Variants in BMP5 observed in about 807,000 individuals in gnomAD.
BMP5 encodes bone morphogenetic protein 5.
A neutral mutation model predicts 46.6 loss-of-function variants in BMP5; 23 were observed. The observed-to-expected ratio is 0.49, with a 90% CI of 0.35 to 0.70. The LOEUF (loss-of-function observed/expected upper bound fraction) is 0.70. Among genes scored for constraint, BMP5 ranks in the 30% least tolerant of loss-of-function variants. The pLI is 0.00. For missense variants in BMP5, 545 were observed against 565.6 expected (o/e 0.96, Z 0.37); for synonymous variants, 204 against 191.9 (o/e 1.06, Z -0.52).
chr6:55,801,146 G>A, intron 2 of BMP5, among the ~76,000 whole-genome samples: 1 of 152,190 alleles, frequency 6.6e-6, no homozygotes, highest in East Asian at 1.9e-4. Flanking sequence ...TGGAACTACT[G>A]TGTATCGTTT....
chr6:55,790,367 C>T (rs1362051794), intron 3 of BMP5, among the ~76,000 whole-genome samples: 1 of 152,070 alleles, frequency 6.6e-6, no homozygotes, highest in Non-Finnish European at 1.5e-5. Flanking sequence ...GGTACAAGTG[C>T]GAATCAGTGA....
intron 2 of BMP5, among the ~76,000 whole-genome samples, chr6:55,809,858 C>T (rs1230860373): frequency 6.6e-6 from 1 of 152,000 alleles, no homozygotes; most frequent in Non-Finnish European, 1.5e-5. Context: ...AAGTACAAAA[C>T]TTGTAGTCCA....
rs1775648494 is a variant in BMP5 at position 55,794,155 on chromosome 6, T to C, written c.832+124A>G. On this transcript the variant is annotated intron_variant, in intron 3 of 6. Transcript: ENST00000370830. ...TAACTAATATAGTTTTGCACTACCCTATAGAATGCGTTGACTTGGACATCA... is the reference window on the plus strand; with the variant it reads ...TAACTAATATAGTTTTGCACTACCCCATAGAATGCGTTGACTTGGACATCA... The C allele has an allele frequency of 3.0e-6, 3 of 1,005,936 alleles. No individual in the cohort carries two copies. In the South Asian group the frequency reaches 4.5e-5, roughly 15 times the overall value. 62.3% of individuals were successfully genotyped at this position (1,005,936 alleles called of 1,614,324 possible). A position where few individuals can be genotyped will look rare whatever the true frequency, so the allele number is the denominator to read the frequency against.
chr6:55,770,154 C>T (rs577113004), intron 4 of BMP5, among the ~76,000 whole-genome samples: 47 of 152,028 alleles, frequency 3.1e-4, no homozygotes, highest in African/African-American at 1.1e-3. Context: ...ATTGACTCTT[C>T]TCTAGCTATG....
intron 4 of BMP5, among the ~76,000 whole-genome samples, chr6:55,763,126 A>C (rs1398324642): frequency 6.6e-6 from 1 of 152,134 alleles, no homozygotes; most frequent in Non-Finnish European, 1.5e-5. Context: ...TTAGGTAATA[A>C]TGGGAATATT....
chr6:55,764,356 G>A (rs111635169), intron 4 of BMP5, among the ~76,000 whole-genome samples: 11,061 of 152,112 alleles, frequency 0.073, 464 homozygotes, highest in South Asian at 0.12. Context: ...GGCGGATCAC[G>A]AGGTCAGAAG....
At chr6:55,799,617 T>TA (rs1775795400) in intron 2 of BMP5, among the ~76,000 whole-genome samples, 1 of 152,218 alleles carries the variant, frequency 6.6e-6, no homozygotes. Flanking sequence ...ATTTTCAGTT[T>TA]ATCTATCTTC....
intron 1 of BMP5, among the ~76,000 whole-genome samples, chr6:55,838,750 T>TC (rs1562063817): frequency 6.6e-6 from 1 of 152,184 alleles, no homozygotes; most frequent in African/African-American, 2.4e-5. Flanking sequence ...ATCCTATTAT[T>TC]CCCCCTTGGA....
intron 3 of BMP5, among the ~76,000 whole-genome samples, chr6:55,784,534 T>G (rs978300289): frequency 6.6e-6 from 1 of 151,832 alleles, no homozygotes; most frequent in Non-Finnish European, 1.5e-5. Context: ...AAGATTAAAT[T>G]TGACTAAATT....
chr6:55,774,809 C>A (rs1439362410), intron 3 of BMP5, among the ~76,000 whole-genome samples: 1 of 151,966 alleles, frequency 6.6e-6, no homozygotes, highest in Admixed American at 6.6e-5. Context: ...GAAGCCTAGT[C>A]TGGGGATGGA....
At chr6:55,830,937 A>T (rs1353243559) in intron 1 of BMP5, among the ~76,000 whole-genome samples, 1 of 152,052 alleles carries the variant, frequency 6.6e-6, no homozygotes, top group Non-Finnish European at 1.5e-5. Flanking sequence ...CTTTTGAGTG[A>T]CTGTTCTTTC....
chr6:55,865,845 G>A (rs941511384), intron 1 of BMP5, among the ~76,000 whole-genome samples: 1 of 151,968 alleles, frequency 6.6e-6, no homozygotes, highest in African/African-American at 2.4e-5. Context: ...GCTCCACTTA[G>A]ATGAGGAAAT....
chr6:55,855,466 A>C (rs1027741079), intron 1 of BMP5, among the ~76,000 whole-genome samples: 1 of 151,996 alleles, frequency 6.6e-6, no homozygotes, highest in Non-Finnish European at 1.5e-5. Flanking sequence ...GTGCTAGTGA[A>C]TATTTATACT....
intron 6 of BMP5, among the ~76,000 whole-genome samples, chr6:55,758,083 G>A (rs1774659818): frequency 6.6e-6 from 1 of 151,856 alleles, no homozygotes; most frequent in Non-Finnish European, 1.5e-5. Context: ...CACCCACAAA[G>A]ACAAGATTGT....
chr6:55,874,720 C>G lies in BMP5; in HGVS notation c.146G>C (p.Arg49Pro), dbSNP rs140823469. 2 of 1,613,440 alleles carry G rather than the reference C, an allele frequency of 1.2e-6. No individual in the cohort carries two copies. The highest frequency in any genetic ancestry group is 4.5e-5 in the East Asian group (2 of 44,842). ...AGAGAGAATTTCCCTTTGTATTTCC[C>G]GTCTTTCGTGGTTCCGTAGTCTTCT... Reference protein sequence around the residue: ...IYRRLRNHERREIQREILSIL... With the variant: ...IYRRLRNHERPEIQREILSIL... The change falls in exon 1 of 7, where the codon CGG becomes CCG. Residue 49 changes from arginine (R) to proline (P), a missense_variant. By Grantham distance (103) the Arg-to-Pro change is moderately radical. Coordinates refer to ENST00000370830, the MANE Select transcript of BMP5 (RefSeq NM_021073.4).
At chr6:55,760,341 G>T in intron 5 of BMP5, 116 bp downstream of exon 5, 1 of 869,024 alleles carries the variant, frequency 1.2e-6, no homozygotes, top group Non-Finnish European at 1.9e-6. Flanking sequence ...TATTCTAAAT[G>T]GTCATGTCAA....
chr6:55,764,957 G>A (rs187420767), intron 4 of BMP5, among the ~76,000 whole-genome samples: 19 of 151,896 alleles, frequency 1.3e-4, no homozygotes, highest in African/African-American at 3.9e-4. Flanking sequence ...ACAAGATTAG[G>A]AATGTTCCCA....
chr6:55,829,489 T>G (rs1470381873), intron 1 of BMP5, among the ~76,000 whole-genome samples: 1 of 151,296 alleles, frequency 6.6e-6, no homozygotes, highest in East Asian at 1.9e-4. Flanking sequence ...TTAATATTAG[T>G]TCTAATAGTA....
chr6:55,755,779 C>A (rs1440240598), intron 6 of BMP5, 97 bp from the exon 7 acceptor site: 3 of 1,204,940 alleles, frequency 2.5e-6, no homozygotes, highest in Non-Finnish European at 3.6e-6. Context: ...CATAATCAGG[C>A]ACACCATTAA....
Sources: gnomAD v4.1 joint callset for allele counts (sites outside exome capture counted in the v4.1 genomes callset) on GRCh38, gnomAD v4.1.1 for gene constraint, MANE v1.5 for transcripts, NCBI Gene and HGNC (gene_info 2026-07-23, HGNC 2026-07-21) for gene names.